The following DNAH9 variants were observed in gnomAD, a reference collection of about 807,000 sequenced individuals.
DNAH9 encodes dynein axonemal heavy chain 9.
In DNAH9, 345 loss-of-function variants were observed where a neutral mutation model predicts 471.6. The ratio of observed to expected loss-of-function variants is 0.73; its 90% CI spans 0.67 to 0.80. The LOEUF (loss-of-function observed/expected upper bound fraction) is 0.80. Ranked by LOEUF, DNAH9 falls within the 30% of genes least tolerant of loss-of-function variation. DNAH9 has a pLI of 0.00. For missense variants in DNAH9, 5,407 were observed against 5,609.2 expected, an observed-to-expected ratio of 0.96 and a Z score of 1.15; for synonymous variants, 2,093 against 2,123.6, an observed-to-expected ratio of 0.99 and a Z score of 0.40.
At position 11,690,436 on chromosome 17, in the gene DNAH9, G is replaced by T. The variant is rs761074114; in HGVS notation, c.4614G>T (p.Gln1538His). 4.3e-6 allele frequency: 7 copies of T among 1,611,830 alleles called. No homozygotes were observed. Among genetic ancestry groups the T allele is most frequent in the Non-Finnish European group, 5.9e-6 (7 of 1,178,390 alleles). The change falls in exon 20 of 69, where the codon CAG becomes CAT. Residue 1538 changes from glutamine to histidine, a missense_variant and splice_region_variant. By Grantham distance (24) the Gln-to-His change is conservative. Around this residue, in one of 3 missense-constraint regions of DNAH9, gnomAD observed 4,636 missense variants for 4,900.3 expected, o/e 0.95. Transcript: ENST00000262442. ...AAGATATTCGGGCACAGCTACCCCA[G>T]GTACCTGCTAAGGAAATCTAGAATC... is the stretch of plus-strand genomic sequence containing the variant. Reference protein sequence around the residue: ...GSEDIRAQLPQDSKRFEGIDI... With the variant: ...GSEDIRAQLPHDSKRFEGIDI...
intron 43 of DNAH9, among the ~76,000 whole-genome samples, chr17:11,804,873 CAA>C (rs534191844): frequency 2.1e-4 from 21 of 101,470 alleles, no homozygotes; most frequent in East Asian, 2.9e-4. Context: ...GACTCTGTCT[CAA>C]AAAAAAAAAA....
At chr17:11,716,350 G>A (rs900115584) in intron 26 of DNAH9, among the ~76,000 whole-genome samples, 3 of 152,032 alleles carry the variant, frequency 2.0e-5, no homozygotes, top group African/African-American at 7.2e-5. Context: ...CAAAGTGCTA[G>A]GATTACAGGC....
chr17:11,759,517 C>CTTTTTTTTT (rs1157505657), intron 35 of DNAH9, among the ~76,000 whole-genome samples: 15 of 83,974 alleles, frequency 1.8e-4, no homozygotes, highest in Admixed American at 3.4e-4. Flanking sequence ...ATACACACCA[C>CTTTTTTTTT]TTTTTTTTTT....
intron 6 of DNAH9, among the ~76,000 whole-genome samples, chr17:11,628,930 G>A (rs1294706427): frequency 1.3e-5 from 2 of 151,936 alleles, no homozygotes; most frequent in East Asian, 1.9e-4. Flanking sequence ...TCTTTGCTTT[G>A]TTATTGAGTT....
chr17:11,807,805 C>A lies in DNAH9; in HGVS notation c.8494C>A (p.Gln2832Lys), dbSNP rs1268175050. The A allele has an allele frequency of 6.2e-7, 1 of 1,614,098 alleles. No individual in the cohort carries two copies. The highest frequency in any genetic ancestry group is 2.2e-5 in the East Asian group (1 of 44,880). ...LLVGVGGSGKQSLTRLAAFIS... is the reference protein window; with the variant it reads ...LLVGVGGSGKKSLTRLAAFIS... ...GGTTGGTGTAGGTGGGAGCGGCAAG[C>A]AGAGCCTGACAAGGCTGGCAGCTTT... The change falls in exon 44 of 69, where the codon CAG becomes AAG. Residue 2832 changes from glutamine to lysine, a missense_variant. Coordinates refer to ENST00000262442, the MANE Select transcript of DNAH9 (RefSeq NM_001372.4).
chr17:11,616,226 GCTGGTTT>G (rs1356944326), intron 4 of DNAH9, among the ~76,000 whole-genome samples: 2 of 152,160 alleles, frequency 1.3e-5, no homozygotes. Context: ...AAGTACTAAA[GCTGGTTT>G]GCAGGGCTTT....
intron 62 of DNAH9, among the ~76,000 whole-genome samples, chr17:11,924,377 G>A (rs1489776207): frequency 2.0e-5 from 3 of 152,044 alleles, no homozygotes; most frequent in Non-Finnish European, 4.4e-5. Flanking sequence ...GGATATGGGA[G>A]CAACCTTAGC....
At chr17:11,845,743 G>T (rs11078038) in intron 49 of DNAH9, among the ~76,000 whole-genome samples, 134,879 of 137,154 alleles carry the variant, frequency 0.98, 66,386 homozygotes, top group Middle Eastern at 1. Flanking sequence ...GATTTTCATT[G>T]CTCTGATGGC....
In DNAH9 at chr17:11,783,695, G is replaced by A. The variant is rs1202617030; in HGVS notation, c.7768G>A (p.Val2590Ile). The A allele has an allele frequency of 1.9e-6, 3 of 1,614,134 alleles. No homozygotes were observed. Among genetic ancestry groups the A allele is most frequent in the South Asian group, 2.2e-5 (2 of 91,070 alleles). The change falls in exon 40 of 69, where the codon GTT (valine) becomes ATT (isoleucine). Residue 2590 changes from valine (V) to isoleucine (I), a missense_variant. By Grantham distance (29) the Val-to-Ile change is conservative (BLOSUM62 3). Coordinates refer to ENST00000262442, the MANE Select transcript of DNAH9 (RefSeq NM_001372.4). The part of the protein sequence containing the change: ...SLKEITNVQY[V>I]SCMNPTAGSF... ...AAAGGAGATCACAAATGTACAGTAT[G>A]TTTCCTGTATGAACCCCACGGCAGG...
At chr17:11,815,263 G>A (rs1970056397) in intron 45 of DNAH9, among the ~76,000 whole-genome samples, 1 of 151,786 alleles carries the variant, frequency 6.6e-6, no homozygotes, top group Non-Finnish European at 1.5e-5. Context: ...GTGTTCTGTG[G>A]ATTCCCTATA....
intron 38 of DNAH9, among the ~76,000 whole-genome samples, chr17:11,776,479 C>A (rs910043320): frequency 2.0e-5 from 3 of 152,098 alleles, no homozygotes; most frequent in Non-Finnish European, 2.9e-5. Flanking sequence ...ACCACCCCAG[C>A]TGAAGACTGC....
intron 54 of DNAH9, 47 bp downstream of exon 54, chr17:11,880,247 G>T (rs896194818): frequency 1.9e-5 from 31 of 1,603,448 alleles, no homozygotes; most frequent in Non-Finnish European, 2.6e-5. Flanking sequence ...GCTGGTTCAT[G>T]GCCCTGGTTA....
chr17:11,630,140 A>G (rs1446717206), intron 7 of DNAH9: 1 of 152,982 alleles, frequency 6.5e-6, no homozygotes, highest in Non-Finnish European at 1.5e-5. Context: ...ACGGTTAACA[A>G]TACTGTATTG....
chr17:11,675,156 T>C (rs1320779564), intron 17 of DNAH9, among the ~76,000 whole-genome samples: 2 of 152,180 alleles, frequency 1.3e-5, no homozygotes, highest in African/African-American at 4.8e-5. Context: ...TTGTAATCAT[T>C]GTCTTTAAAA....
rs969764220 is a variant in DNAH9 at position 11,718,038 on chromosome 17, T to C, written c.5553-1296T>C. ...ACAGGCGCACTACACCACACCCATC[T>C]CATTTGTGTGTGTGTGTGTGTAGAT... is the stretch of plus-strand genomic sequence containing the variant. On this transcript the variant is annotated intron_variant, in intron 26 of 68. Transcript: ENST00000262442. Among the ~76,000 whole-genome samples, 15 of 61,522 alleles carry C rather than the reference T, an allele frequency of 2.4e-4. No individual in the cohort carries two copies. The East Asian group carries it at 3.2e-3, about 13-fold the overall frequency. 40.4% of individuals were successfully genotyped at this position (61,522 alleles called of 152,430 possible).
chr17:11,671,534 T>C (rs1446657880), intron 17 of DNAH9, among the ~76,000 whole-genome samples: 1 of 152,128 alleles, frequency 6.6e-6, no homozygotes, highest in Non-Finnish European at 1.5e-5. Flanking sequence ...ATAGAGGCTA[T>C]TCCAAATTGT....
rs1014276567 is a variant in DNAH9 at position 11,892,675 on chromosome 17, C to T, written c.11283+728C>T. ...AAGTGATTCTCCTGCCTCAGGCTCC[C>T]GTGTAGCTGGGATTACAGGTGTGCG... is the stretch of plus-strand genomic sequence containing the variant. On this transcript the variant is annotated intron_variant, in intron 58 of 68. Coordinates refer to ENST00000262442, the MANE Select transcript of DNAH9 (RefSeq NM_001372.4). This position sits in a 1 kb window ranked among gnomAD's most constrained non-coding sequence, Gnocchi z 4.3. 3.4e-4 allele frequency among the ~76,000 whole-genome samples: 52 copies of T among 152,076 alleles called. No individual in the cohort carries two copies. The highest frequency in any genetic ancestry group is 9.7e-4 in the African/African-American group (40 of 41,408).
chr17:11,683,166 CTTTTT>C (rs1194952802), intron 19 of DNAH9, among the ~76,000 whole-genome samples: 4 of 152,066 alleles, frequency 2.6e-5, no homozygotes, highest in African/African-American at 7.2e-5. Context: ...CAGTCTCTCT[CTTTTT>C]GTTTTGTTTT....
intron 6 of DNAH9, among the ~76,000 whole-genome samples, chr17:11,628,659 C>T (rs1260800642): frequency 2.0e-5 from 3 of 152,248 alleles, no homozygotes; most frequent in African/African-American, 4.8e-5. Context: ...GTCTTCAGGA[C>T]GATTTTGCAG....
Sources: allele counts gnomAD v4.1 joint callset (sites outside exome capture counted in the v4.1 genomes callset), GRCh38; gene constraint gnomAD v4.1.1; regional missense constraint gnomAD v4.1.1; non-coding constraint Gnocchi (gnomAD v3.1); transcripts MANE v1.5; gene names NCBI Gene and HGNC (gene_info 2026-07-23, HGNC 2026-07-21).